MBP: variants seen among roughly 807,000 people sequenced by gnomAD.
MBP encodes Golli-MBP.
MBP carries 16 observed loss-of-function variants against 35.8 expected under a neutral mutation model. The observed-to-expected ratio is 0.45, with a 90% CI of 0.30 to 0.68. The LOEUF is 0.68. Ranked by LOEUF, MBP falls within the 30% of genes least tolerant of loss-of-function variation. The probability of loss-of-function intolerance (pLI) is 0.08; values close to 1 mark genes in which losing one functional copy is unlikely to be tolerated. For synonymous variants in MBP, 143 were observed against 159.6 expected (o/e 0.90, Z 0.78); for missense variants, 380 against 404.7 (o/e 0.94, Z 0.52).
At position 77,003,585 on chromosome 18, in the gene MBP, T is replaced by C. The variant is rs140237888; in HGVS notation, c.576+13247A>G. 2.7e-3 allele frequency: 413 copies of C among 152,360 alleles called. 1 individual carries two copies. Among genetic ancestry groups the C allele is most frequent in the African/African-American group, 9.5e-3 (397 of 41,582 alleles). 9.4% of individuals were successfully genotyped at this position (152,360 alleles called of 1,614,324 possible). A position where few individuals can be genotyped will look rare whatever the true frequency, so the allele number is the denominator to read the frequency against. ...CACAGAAGATAGTGGTGTCACTGTT[T>C]TTCTGAGCTGCCATGATAAGAAAGA... On this transcript the variant is annotated intron_variant, in intron 4 of 8. Transcript: ENST00000355994.
chr18:77,052,775 G>C (rs1973547876), intron 3 of MBP, among the ~76,000 whole-genome samples: 12 of 152,200 alleles, frequency 7.9e-5, no homozygotes, highest in Admixed American at 7.2e-4. Context: ...CTCCTGATGG[G>C]AAGTACCCTG....
intron 7 of MBP, chr18:76,987,699 T>C (rs1281316403): frequency 1.0e-6 from 1 of 995,476 alleles, no homozygotes; most frequent in Non-Finnish European, 1.2e-6. Flanking sequence ...CTATCTACAA[T>C]ACGTTGGTGG....
At chr18:77,042,362 G>A (rs551853365) in intron 3 of MBP, among the ~76,000 whole-genome samples, 33 of 152,306 alleles carry the variant, frequency 2.2e-4, no homozygotes, top group African/African-American at 7.2e-4. Context: ...AGCCCATGGC[G>A]TGTCCCACTC....
intron 2 of MBP, among the ~76,000 whole-genome samples, chr18:77,095,048 A>C (rs1367049477): frequency 1.3e-5 from 2 of 152,154 alleles, no homozygotes; most frequent in Non-Finnish European, 2.9e-5. Flanking sequence ...TGGCCATTTT[A>C]ATGCACTTCT....
In MBP at chr18:77,101,737, T is replaced by C. The variant is rs1027040789; in HGVS notation, c.51+3474A>G. 1.3e-5 allele frequency among the ~76,000 whole-genome samples: 2 copies of C among 152,168 alleles called. No individual in the cohort carries two copies. The highest frequency in any genetic ancestry group is 4.8e-5 in the African/African-American group (2 of 41,422). On this transcript the variant is annotated intron_variant, in intron 2 of 8. Transcript: ENST00000355994. The surrounding 1 kb of genome is among the most constrained non-coding windows in gnomAD (Gnocchi z 4.3). The stretch of plus-strand genomic sequence containing the variant: ...TCCTCTTACATCCTGCCGTGGCTTA[T>C]TCGGGATGAGAGAGAAGCAAATTTC...
chr18:76,980,141 C>T lies in MBP; in HGVS notation c.*286G>A. The stretch of plus-strand genomic sequence containing the variant: ...CGTGGAGGGACGTCTGTGCACCTGG[C>T]CCCCTGAAGACCCACGTGCGTCTGG... On this transcript the variant is annotated 3_prime_UTR_variant, in exon 9 of 9. Transcript: ENST00000355994. 2 of 657,762 alleles carry T rather than the reference C, an allele frequency of 3.0e-6. No individual in the cohort carries two copies. The highest frequency in any genetic ancestry group is 5.5e-6 in the Non-Finnish European group (2 of 365,968). 40.7% of individuals were successfully genotyped at this position (657,762 alleles called of 1,614,324 possible). A position where few individuals can be genotyped will look rare whatever the true frequency, so the allele number is the denominator to read the frequency against.
At chr18:77,021,181 C>T (rs909925557) in intron 3 of MBP, among the ~76,000 whole-genome samples, 1 of 152,146 alleles carries the variant, frequency 6.6e-6, no homozygotes, top group Non-Finnish European at 1.5e-5. Flanking sequence ...CTCTTGGCAG[C>T]AGCTCTCAGG....
intron 3 of MBP, among the ~76,000 whole-genome samples, chr18:77,054,648 C>T (rs1322835243): frequency 6.6e-6 from 1 of 152,222 alleles, no homozygotes; most frequent in Non-Finnish European, 1.5e-5. Context: ...CACAATCAGC[C>T]ATCAGTGCTC....
At chr18:77,121,735 G>GATTTAT (rs576359462) in intron 1 of MBP, among the ~76,000 whole-genome samples, 2 of 152,132 alleles carry the variant, frequency 1.3e-5, no homozygotes, top group Non-Finnish European at 2.9e-5. Flanking sequence ...AAATACAATT[G>GATTTAT]ATTTATATTT....
chr18:77,050,069 T>C (rs1973425459), intron 3 of MBP, among the ~76,000 whole-genome samples: 1 of 152,152 alleles, frequency 6.6e-6, no homozygotes, highest in Non-Finnish European at 1.5e-5. Context: ...GTGTAGAGTT[T>C]GTCATTGCTG....
intron 2 of MBP, among the ~76,000 whole-genome samples, chr18:77,091,148 G>A (rs1975505379): frequency 6.6e-6 from 1 of 152,144 alleles, no homozygotes; most frequent in Non-Finnish European, 1.5e-5. Context: ...GTGCCTCAAT[G>A]CAATTATGAG....
intron 1 of MBP, among the ~76,000 whole-genome samples, chr18:77,108,008 C>T (rs777815593): frequency 2.0e-5 from 3 of 152,186 alleles, no homozygotes; most frequent in South Asian, 2.1e-4. Flanking sequence ...CCATCAGAGC[C>T]GTTAGTGGAA....
At chr18:77,073,432 C>T (rs1347717533) in intron 2 of MBP, among the ~76,000 whole-genome samples, 1 of 152,194 alleles carries the variant, frequency 6.6e-6, no homozygotes, top group African/African-American at 2.4e-5. Flanking sequence ...CAACATTTCA[C>T]CATTTTGACA....
At chr18:77,132,248 G>T (rs932761000) in intron 1 of MBP, among the ~76,000 whole-genome samples, 46 of 151,974 alleles carry the variant, frequency 3.0e-4, no homozygotes, top group Non-Finnish European at 1.3e-4. Context: ...ACCTGTCAGG[G>T]TCGGGCCCCG....
At chr18:77,111,646 C>T (rs1351813160) in intron 1 of MBP, among the ~76,000 whole-genome samples, 1 of 152,226 alleles carries the variant, frequency 6.6e-6, no homozygotes, top group Non-Finnish European at 1.5e-5. Context: ...CCACCACCAA[C>T]ATGCTGAGAC....
In MBP at chr18:76,979,913, T is replaced by G; in HGVS notation, c.*514A>C. 1 of 701,830 alleles carries G rather than the reference T, an allele frequency of 1.4e-6. No individual in the cohort carries two copies. Among genetic ancestry groups the G allele is most frequent in the Non-Finnish European group, 2.6e-6 (1 of 384,746 alleles). 43.5% of individuals were successfully genotyped at this position (701,830 alleles called of 1,614,324 possible). On this transcript the variant is annotated 3_prime_UTR_variant, in exon 9 of 9. Coordinates refer to ENST00000355994, the MANE Select transcript of MBP (RefSeq NM_001025101.2). Reference sequence around the variant, plus strand: ...AGTAAGCCACTCCTTGACTGTCTAATCCTGTTAGGAAAAATGAAGTCTACT... The same window carrying G: ...AGTAAGCCACTCCTTGACTGTCTAAGCCTGTTAGGAAAAATGAAGTCTACT...
intron 2 of MBP, among the ~76,000 whole-genome samples, chr18:77,104,058 A>G (rs12960478): frequency 0.32 from 48,308 of 152,230 alleles, 9,228 homozygotes; most frequent in Non-Finnish European, 0.43. Flanking sequence ...TGGGCTGTAG[A>G]GGAGCCGCCA....
intron 2 of MBP, among the ~76,000 whole-genome samples, chr18:77,083,963 T>G (rs1975088299): frequency 6.6e-6 from 1 of 152,118 alleles, no homozygotes; most frequent in South Asian, 2.1e-4. Flanking sequence ...TTGTACACCT[T>G]AAGTGGGTGA....
At position 77,089,152 on chromosome 18, in the gene MBP, C is replaced by G. The variant is rs564162924; in HGVS notation, c.51+16059G>C. Among the ~76,000 whole-genome samples the G allele has an allele frequency of 5.3e-5, 8 of 152,350 alleles. No homozygotes were observed. The South Asian group carries it at 1.4e-3, about 28-fold the overall frequency. ...AGGACACAGAGGGCACTGCCTTCTC[C>G]GAACTACACGGCCTGCCTTCCACAG... is the stretch of plus-strand genomic sequence containing the variant. On this transcript the variant is annotated intron_variant, in intron 2 of 8. Transcript: ENST00000355994.
Sources: gnomAD v4.1 joint callset for allele counts (sites outside exome capture counted in the v4.1 genomes callset) on GRCh38, gnomAD v4.1.1 for gene constraint, Gnocchi (gnomAD v3.1) non-coding constraint, MANE v1.5 for transcripts, NCBI Gene and HGNC (gene_info 2026-07-23, HGNC 2026-07-21) for gene names.